FAM227B: variants seen among roughly 807,000 people sequenced by gnomAD.
FAM227B encodes family with sequence similarity 227 member B, also known as protein FAM227B.
Under a neutral mutation model 73.8 loss-of-function variants are expected in FAM227B, and 88 were observed. The ratio of observed to expected loss-of-function variants is 1.19; its 90% CI spans 1.00 to 1.42. The LOEUF (loss-of-function observed/expected upper bound fraction) is 1.42, where lower values mean the gene tolerates loss of function less well. Ranked by LOEUF, FAM227B falls within the 40% of genes most tolerant of loss-of-function variation. The probability of loss-of-function intolerance (pLI) is 0.00; values close to 1 mark genes in which losing one functional copy is unlikely to be tolerated. For synonymous variants in FAM227B, 210 were observed against 190.5 expected (o/e 1.10, Z -0.84); for missense variants, 632 against 590.9 (o/e 1.07, Z -0.72).
rs750471526 is a variant in FAM227B at position 49,579,911 on chromosome 15, TTATG to T, written c.406-2251_406-2248del. On this transcript the variant is annotated intron_variant, in intron 5 of 15. Transcript: ENST00000299338. The stretch of plus-strand genomic sequence containing the variant: ...TGTACCCTGTAAATAGGTACAATGA[TTATG>T]TATCAATAAAAAAGATGAAGTCAGA... 5.1e-4 allele frequency among the ~76,000 whole-genome samples: 78 copies of T among 152,154 alleles called. 1 individual carries two copies. Among genetic ancestry groups the T allele is most frequent in the Admixed American group, 1.9e-3 (29 of 15,266 alleles).
chr15:49,611,815 A>G (rs2077941279), intron 2 of FAM227B, among the ~76,000 whole-genome samples: 1 of 152,196 alleles, frequency 6.6e-6, no homozygotes, highest in Admixed American at 6.5e-5. Flanking sequence ...TTTTCGCCTT[A>G]GAGACTTTGC....
chr15:49,601,229 T>A (rs2077188311), intron 3 of FAM227B, among the ~76,000 whole-genome samples: 1 of 151,214 alleles, frequency 6.6e-6, no homozygotes, highest in African/African-American at 2.4e-5. Flanking sequence ...TCCTTTGTGA[T>A]TTGATGATTT....
Position 49,327,952 on chromosome 15 carries a change from G to GAAGT in FAM227B, c.*612_*615dup. On this transcript the variant is annotated 3_prime_UTR_variant, in exon 16 of 16. Coordinates refer to ENST00000299338, the MANE Select transcript of FAM227B (RefSeq NM_152647.3). Reference sequence around the variant, plus strand: ...AATATTTTTTTCCTCACTGTTTTAGGAAGTTTGGGGCTCAAGGGTCACGAC... The same window carrying GAAGT: ...AATATTTTTTTCCTCACTGTTTTAGGAAGTAAGTTTGGGGCTCAAGGGTCACGAC... 1 of 1,606,154 alleles carries GAAGT rather than the reference G, an allele frequency of 6.2e-7. No individual in the cohort carries two copies. The highest frequency in any genetic ancestry group is 8.5e-7 in the Non-Finnish European group (1 of 1,175,446).
Position 49,568,289 on chromosome 15 carries a change from G to A in FAM227B, c.703C>T (p.Leu235Phe). ...CGACTTAGAGGTATGCTCATGAAAA[G>A]TGTCACATAACTTTCTGAAATTCTA... ...FDRISESYVT[L>F]FMSIPLSRKD... Residue 235 changes from leucine to phenylalanine, a missense_variant, in exon 9 of 16, where the codon CTT becomes TTT. By Grantham distance (22) the Leu-to-Phe change is conservative (BLOSUM62 0). Transcript: ENST00000299338. The A allele has an allele frequency of 6.2e-7, 1 of 1,611,276 alleles. No individual in the cohort carries two copies. Among genetic ancestry groups the A allele is most frequent in the Non-Finnish European group, 8.5e-7 (1 of 1,178,730 alleles).
chr15:49,510,820 T>C (rs1041342625), intron 10 of FAM227B, among the ~76,000 whole-genome samples: 20 of 152,082 alleles, frequency 1.3e-4, no homozygotes, highest in African/African-American at 4.3e-4. Flanking sequence ...ACTTGACAAA[T>C]TGGTTGGGTC....
intron 11 of FAM227B, among the ~76,000 whole-genome samples, chr15:49,387,231 T>C (rs879448716): frequency 9.9e-5 from 15 of 151,598 alleles, no homozygotes; most frequent in Middle Eastern, 3.4e-3. Flanking sequence ...GAACATAGAT[T>C]CAAAAATCCC....
intron 13 of FAM227B, among the ~76,000 whole-genome samples, chr15:49,355,315 C>T (rs572454838): frequency 6.6e-5 from 10 of 152,182 alleles, no homozygotes; most frequent in African/African-American, 2.4e-4. Context: ...ACATTCAAAC[C>T]AAAGGCAAAG....
At chr15:49,429,672 A>G (rs1212618677) in intron 11 of FAM227B, among the ~76,000 whole-genome samples, 1 of 151,948 alleles carries the variant, frequency 6.6e-6, no homozygotes, top group African/African-American at 2.4e-5. Context: ...CTTTAAAAAA[A>G]TACTGATGCC....
chr15:49,431,589 A>C (rs1323467647), intron 11 of FAM227B, among the ~76,000 whole-genome samples: 2 of 151,672 alleles, frequency 1.3e-5, no homozygotes, highest in Admixed American at 6.6e-5. Flanking sequence ...CCAGTTGCTT[A>C]ACTTCCCTCC....
chr15:49,488,047 C>T (rs929539181), intron 11 of FAM227B: 8 of 151,932 alleles, frequency 5.3e-5, no homozygotes, highest in African/African-American at 1.9e-4. Flanking sequence ...AAATATTTAA[C>T]AGTCAGTATG....
At chr15:49,463,550 C>A (rs928936390) in intron 11 of FAM227B, among the ~76,000 whole-genome samples, 106 of 125,842 alleles carry the variant, frequency 8.4e-4, no homozygotes, top group Non-Finnish European at 9.2e-4. Context: ...GATTCCGTCT[C>A]AAAAAAAAAA....
intron 10 of FAM227B, among the ~76,000 whole-genome samples, chr15:49,509,300 C>G (rs1736809225): frequency 1.3e-5 from 2 of 152,060 alleles, no homozygotes; most frequent in South Asian, 2.1e-4. Context: ...ATTAACTAAC[C>G]CTAGGAAGTG....
chr15:49,392,679 G>A (rs574223584), intron 11 of FAM227B, among the ~76,000 whole-genome samples: 25 of 152,166 alleles, frequency 1.6e-4, no homozygotes, highest in Admixed American at 5.9e-4. Flanking sequence ...GAAATAATGC[G>A]TTGAACTCAA....
Position 49,546,567 on chromosome 15 carries a change from T to A in FAM227B, c.748-4761A>T, listed in dbSNP as rs575017490. Among the ~76,000 whole-genome samples the A allele has an allele frequency of 1.7e-3, 255 of 152,288 alleles. 1 individual carries two copies. Among genetic ancestry groups the A allele is most frequent in the Middle Eastern group, 6.8e-3 (2 of 294 alleles). On this transcript the variant is annotated intron_variant, in intron 9 of 15. Coordinates refer to ENST00000299338, the MANE Select transcript of FAM227B (RefSeq NM_152647.3). The stretch of plus-strand genomic sequence containing the variant: ...CCACAATGGTTGAACTAGTTTACAG[T>A]CCCACCAACAGTGTAAAAGTGTTCC...
chr15:49,457,309 A>C (rs2053398000), intron 11 of FAM227B, among the ~76,000 whole-genome samples: 1 of 151,974 alleles, frequency 6.6e-6, no homozygotes, highest in Admixed American at 6.6e-5. Context: ...AAAAAAATCA[A>C]ATCAGCGTGT....
chr15:49,370,687 C>A (rs559753713), intron 12 of FAM227B, among the ~76,000 whole-genome samples: 2 of 152,186 alleles, frequency 1.3e-5, no homozygotes, highest in African/African-American at 4.8e-5. Context: ...AAAATTTTAA[C>A]AATAAAGACT....
chr15:49,562,107 T>C (rs577927663), intron 9 of FAM227B, among the ~76,000 whole-genome samples: 1 of 151,792 alleles, frequency 6.6e-6, no homozygotes, highest in Non-Finnish European at 1.5e-5. Flanking sequence ...ACTAGCTAGA[T>C]TAATAAAGAG....
At chr15:49,535,359 T>G (rs2060930983) in intron 10 of FAM227B, among the ~76,000 whole-genome samples, 1 of 151,630 alleles carries the variant, frequency 6.6e-6, no homozygotes, top group South Asian at 2.1e-4. Flanking sequence ...TGCAACCTAT[T>G]AATATTAATC....
In FAM227B at chr15:49,327,811, C is replaced by T; in HGVS notation, c.*757G>A. ...TGAAACAGTATAAATGTCTTAATGT[C>T]CTAAAATGTTTGATGACACCTAAAA... On this transcript the variant is annotated 3_prime_UTR_variant, in exon 16 of 16. Coordinates refer to ENST00000299338, the MANE Select transcript of FAM227B (RefSeq NM_152647.3). 2 of 689,494 alleles carry T rather than the reference C, an allele frequency of 2.9e-6. No individual in the cohort carries two copies. The highest frequency in any genetic ancestry group is 4.7e-6 in the Non-Finnish European group (2 of 428,332). 42.7% of individuals were successfully genotyped at this position (689,494 alleles called of 1,614,324 possible).
Sources: allele counts gnomAD v4.1 joint callset (sites outside exome capture counted in the v4.1 genomes callset), GRCh38; gene constraint gnomAD v4.1.1; transcripts MANE v1.5; gene names NCBI Gene and HGNC (gene_info 2026-07-23, HGNC 2026-07-21).